Variants in CCSER1 observed in about 807,000 individuals in gnomAD.
CCSER1 encodes the protein coiled-coil serine rich protein 1.
In CCSER1, 41 loss-of-function variants were observed where a neutral mutation model predicts 82.0. The ratio of observed to expected loss-of-function variants is 0.50; its 90% CI spans 0.39 to 0.65. CCSER1 has a LOEUF of 0.65. CCSER1 is among the 30% of genes least tolerant of loss of function. CCSER1 has a pLI of 0.00. For synonymous variants in CCSER1, 414 were observed against 383.9 expected, an observed-to-expected ratio of 1.08 and a Z score of -0.92; for missense variants, 1,119 against 1,064.2, an observed-to-expected ratio of 1.05 and a Z score of -0.72.
chr4:90,442,819 G>T (rs574535888), intron 4 of CCSER1, among the ~76,000 whole-genome samples: 11 of 152,252 alleles, frequency 7.2e-5, no homozygotes, highest in Admixed American at 5.2e-4. Flanking sequence ...TTATCCTCCT[G>T]GGAGGGAATT....
At chr4:90,643,374 C>T (rs2148996016) in intron 6 of CCSER1, among the ~76,000 whole-genome samples, 1 of 152,230 alleles carries the variant, frequency 6.6e-6, no homozygotes, top group African/African-American at 2.4e-5. Context: ...TATACTACTT[C>T]AGAGAGAGGA....
intron 10 of CCSER1, among the ~76,000 whole-genome samples, chr4:91,160,756 T>G (rs900683918): frequency 2.0e-5 from 3 of 149,634 alleles, no homozygotes; most frequent in African/African-American, 7.6e-5. Context: ...GTTGTTGTTG[T>G]TTTTTTTGTA....
intron 3 of CCSER1, among the ~76,000 whole-genome samples, chr4:90,373,675 A>G (rs937228941): frequency 6.6e-6 from 1 of 152,174 alleles, no homozygotes; most frequent in Non-Finnish European, 1.5e-5. Context: ...GGAACATTCT[A>G]GGTCTTTCAT....
chr4:90,882,609 A>G (rs1405410144), intron 8 of CCSER1, among the ~76,000 whole-genome samples: 1 of 152,106 alleles, frequency 6.6e-6, no homozygotes, highest in Non-Finnish European at 1.5e-5. Flanking sequence ...TTATAGTTAA[A>G]AGAGCCAATA....
At chr4:90,183,645 A>G (rs549554221) in intron 1 of CCSER1, among the ~76,000 whole-genome samples, 140 of 152,304 alleles carry the variant, frequency 9.2e-4, no homozygotes, top group African/African-American at 3.2e-3. Context: ...GTACTCACTC[A>G]GCTATAGTCT....
At chr4:91,039,519 G>A (rs998914431) in intron 9 of CCSER1, among the ~76,000 whole-genome samples, 1 of 151,960 alleles carries the variant, frequency 6.6e-6, no homozygotes, top group South Asian at 2.1e-4. Context: ...TCTAATAGCT[G>A]TGTAATAGAT....
intron 10 of CCSER1, among the ~76,000 whole-genome samples, chr4:91,257,988 A>T (rs1040928063): frequency 1.3e-5 from 2 of 152,132 alleles, no homozygotes; most frequent in Non-Finnish European, 2.9e-5. Context: ...CACTTTAGTA[A>T]GACATCATTC....
chr4:91,319,925 C>A (rs1746081244), intron 10 of CCSER1, among the ~76,000 whole-genome samples: 1 of 152,038 alleles, frequency 6.6e-6, no homozygotes, highest in Non-Finnish European at 1.5e-5. Context: ...CAGAAACAAA[C>A]CAATCCTGAG....
At chr4:90,402,863 A>G (rs1240719337) in intron 4 of CCSER1, among the ~76,000 whole-genome samples, 2 of 152,230 alleles carry the variant, frequency 1.3e-5, no homozygotes, top group Admixed American at 6.5e-5. Context: ...AATTTTTACA[A>G]TGAATCTCTT....
intron 8 of CCSER1, among the ~76,000 whole-genome samples, chr4:90,876,830 C>G (rs777272463): frequency 2.0e-5 from 3 of 152,058 alleles, no homozygotes; most frequent in Non-Finnish European, 4.4e-5. Flanking sequence ...AAAATTAACC[C>G]TTCCTTTATT....
intron 10 of CCSER1, among the ~76,000 whole-genome samples, chr4:91,177,297 C>T (rs1442553092): frequency 1.3e-5 from 2 of 152,200 alleles, no homozygotes; most frequent in East Asian, 3.8e-4. Context: ...TGCTGTGTCT[C>T]TGCCAGGCTT....
chr4:91,387,481 T>G (rs1751370682), intron 10 of CCSER1, among the ~76,000 whole-genome samples: 1 of 152,028 alleles, frequency 6.6e-6, no homozygotes, highest in Admixed American at 6.6e-5. Context: ...GTCTGAACAT[T>G]TAAGAAGATA....
intron 9 of CCSER1, among the ~76,000 whole-genome samples, chr4:90,932,507 A>T (rs1729950369): frequency 6.6e-6 from 1 of 152,056 alleles, no homozygotes. Flanking sequence ...AATGAAAAGT[A>T]TTATGTTTTT....
intron 8 of CCSER1, among the ~76,000 whole-genome samples, chr4:90,921,617 G>C (rs2150244066): frequency 6.6e-6 from 1 of 152,054 alleles, no homozygotes; most frequent in Non-Finnish European, 1.5e-5. Context: ...ACTCAGAGCA[G>C]TAATCCAGAA....
chr4:91,168,463 C>A (rs1280178542), intron 10 of CCSER1, among the ~76,000 whole-genome samples: 2 of 143,740 alleles, frequency 1.4e-5, no homozygotes, highest in Non-Finnish European at 3.0e-5. Context: ...GCAGGGAGCA[C>A]CTCTGCCCAG....
chr4:90,219,893 G>A (rs1425853505), intron 1 of CCSER1, among the ~76,000 whole-genome samples: 1 of 152,104 alleles, frequency 6.6e-6, no homozygotes, highest in South Asian at 2.1e-4. Context: ...ACGGGAAATA[G>A]CGTAATAATG....
chr4:91,099,757 A>C (rs2148847212), intron 10 of CCSER1, among the ~76,000 whole-genome samples: 1 of 152,344 alleles, frequency 6.6e-6, no homozygotes, highest in African/African-American at 2.4e-5. Context: ...CTGGGATGAC[A>C]GAAAGGAAGT....
intron 9 of CCSER1, among the ~76,000 whole-genome samples, chr4:90,939,949 TTTTATAC>T (rs1731397589): frequency 6.6e-6 from 1 of 152,096 alleles, no homozygotes; most frequent in Non-Finnish European, 1.5e-5. Flanking sequence ...TATTGTCTTA[TTTTATAC>T]TTAAAACCTT....
At chr4:91,115,934 C>A (rs1726551796) in intron 10 of CCSER1, among the ~76,000 whole-genome samples, 1 of 146,478 alleles carries the variant, frequency 6.8e-6, no homozygotes, top group South Asian at 2.2e-4. Context: ...TATACATGTG[C>A]CATCTTGGTG....
Sources: allele counts gnomAD v4.1 joint callset (sites outside exome capture counted in the v4.1 genomes callset), GRCh38; gene constraint gnomAD v4.1.1; transcripts MANE v1.5; gene names NCBI Gene and HGNC (gene_info 2026-07-23, HGNC 2026-07-21).